The following GGCT variants were observed in gnomAD, a reference collection of about 807,000 sequenced individuals.
GGCT encodes gamma-glutamylcyclotransferase, also known as cytochrome c-releasing factor 21.
GGCT carries 20 observed loss-of-function variants against 22.1 expected under a neutral mutation model. The ratio of observed to expected loss-of-function variants is 0.91; its 90% CI spans 0.64 to 1.32. The LOEUF is 1.32. Among genes scored for constraint, GGCT ranks in the 40% most tolerant of loss-of-function variants. GGCT has a pLI of 0.00. For missense variants in GGCT, 209 were observed against 223.5 expected, an observed-to-expected ratio of 0.94 and a Z score of 0.41; for synonymous variants, 72 against 78.4, an observed-to-expected ratio of 0.92 and a Z score of 0.43.
chr7:30,499,024 G>A, intron 2 of GGCT, 86 bp from the exon 3 acceptor site: 2 of 1,164,612 alleles, frequency 1.7e-6, no homozygotes, highest in Non-Finnish European at 2.6e-6. Context: ...TAGTCAAGAT[G>A]GTGTATGGGA....
At chr7:30,499,515 C>A (rs572059537) in intron 2 of GGCT, among the ~76,000 whole-genome samples, 1 of 151,326 alleles carries the variant, frequency 6.6e-6, no homozygotes, top group East Asian at 1.9e-4. Context: ...GCCAGCCTGA[C>A]CAACATGGAG....
rs1380345245 is a variant in GGCT at position 30,500,528 on chromosome 7, C to A, written c.287+8G>T. 3.1e-6 allele frequency: 5 copies of A among 1,605,962 alleles called. No individual in the cohort carries two copies. Among genetic ancestry groups the A allele is most frequent in the Non-Finnish European group, 4.3e-6 (5 of 1,173,090 alleles). On this transcript the variant is annotated splice_region_variant and intron_variant, in intron 2 of 3. Transcript: ENST00000275428. ...TTACTGTTTAACTTATAATTAGAAG[C>A]CACCTACTCATCCAGAGAATTTAAA...
chr7:30,502,622 A>G (rs1789730803), intron 1 of GGCT, among the ~76,000 whole-genome samples: 1 of 152,146 alleles, frequency 6.6e-6, no homozygotes, highest in African/African-American at 2.4e-5. Flanking sequence ...CCCAAGCCGG[A>G]TTTTCCTCTT....
At chr7:30,497,702 T>C (rs539997363) in intron 3 of GGCT, 17 of 1,209,416 alleles carry the variant, frequency 1.4e-5, no homozygotes, top group African/African-American at 1.2e-4. Flanking sequence ...CTAGGTTTCA[T>C]ACTAAAAAAT....
At chr7:30,498,475 G>A (rs752019217) in intron 3 of GGCT, among the ~76,000 whole-genome samples, 7 of 151,952 alleles carry the variant, frequency 4.6e-5, no homozygotes, top group South Asian at 2.1e-4. Flanking sequence ...GCTGGAGTGT[G>A]GTGGCCTGAT....
Position 30,497,797 on chromosome 7 carries a change from C to G in GGCT, c.424-562G>C, listed in dbSNP as rs920379283. Reference sequence around the variant, plus strand: ...GCCAACAGAGAGCTAAGCTTAGGTTCTGAACAGGAATTTTGGGGTCTCTAT... The same window carrying G: ...GCCAACAGAGAGCTAAGCTTAGGTTGTGAACAGGAATTTTGGGGTCTCTAT... On this transcript the variant is annotated intron_variant, in intron 3 of 3. Coordinates refer to ENST00000275428, the MANE Select transcript of GGCT (RefSeq NM_024051.4). The G allele has an allele frequency of 5.5e-6, 8 of 1,466,392 alleles. No homozygotes were observed. In the African/African-American group the frequency reaches 9.8e-5, roughly 18 times the overall value. The allele number at this position is 1,466,392 out of a possible 1,614,324, so 90.8% of individuals were successfully genotyped here. A position where few individuals can be genotyped will look rare whatever the true frequency, so the allele number is the denominator to read the frequency against.
chr7:30,501,211 A>G (rs1789694063), intron 1 of GGCT, among the ~76,000 whole-genome samples: 1 of 152,208 alleles, frequency 6.6e-6, no homozygotes, highest in Non-Finnish European at 1.5e-5. Flanking sequence ...ATACTAATTT[A>G]TCTACAATAA....
At chr7:30,500,735 C>A (rs941289902) in intron 1 of GGCT, 54 bp from the exon 2 acceptor site, 3 of 1,482,512 alleles carry the variant, frequency 2.0e-6, no homozygotes, top group Non-Finnish European at 2.8e-6. Flanking sequence ...CCAAATTTCC[C>A]TCATCAAAAT....
At chr7:30,498,991 C>T in intron 2 of GGCT, 53 bp from the exon 3 acceptor site, 1 of 1,566,104 alleles carries the variant, frequency 6.4e-7, no homozygotes, top group South Asian at 1.1e-5. Context: ...CAATTTAGCT[C>T]ACTGGGTAAG....
chr7:30,497,136 C>G lies in GGCT; in HGVS notation c.523G>C (p.Glu175Gln). Reference sequence around the variant, plus strand: ...CCCTTTTTGATGATGTCTTCAATTTCTTCTGAGACCTTTCCTGTATAGTCA... The same window carrying G: ...CCCTTTTTGATGATGTCTTCAATTTGTTCTGAGACCTTTCCTGTATAGTCA... ...PNDYTGKVSE[E>Q]IEDIIKKGET... The change falls in exon 4 of 4, where the codon GAA becomes CAA. Residue 175 changes from glutamate to glutamine, a missense_variant. Transcript: ENST00000275428. 1 of 1,607,324 alleles carries G rather than the reference C, an allele frequency of 6.2e-7. No individual in the cohort carries two copies. The highest frequency in any genetic ancestry group is 8.5e-7 in the Non-Finnish European group (1 of 1,174,954).
Position 30,504,597 on chromosome 7 carries a change from G to A in GGCT, c.113C>T (p.Ala38Val). The A allele has an allele frequency of 6.2e-7, 1 of 1,613,940 alleles. No homozygotes were observed. Reference protein sequence around the residue: ...TERIHLRNPSAAFFCVARLQD... With the variant: ...TERIHLRNPSVAFFCVARLQD... ...CAGGCGGGCCACACAGAAGAACGCC[G>A]CCGAGGGGTTTCGGAGGTGGATCCT... The change falls in exon 1 of 4, where the codon GCG (alanine) becomes GTG (valine). Residue 38 changes from alanine (A) to valine (V), a missense_variant. By Grantham distance (64) the Ala-to-Val change is moderately conservative. Transcript: ENST00000275428.
In GGCT at chr7:30,504,749, T is replaced by G; in HGVS notation, c.-40A>C. The G allele has an allele frequency of 6.2e-7, 1 of 1,605,842 alleles. No homozygotes were observed. The highest frequency in any genetic ancestry group is 8.5e-7 in the Non-Finnish European group (1 of 1,173,086). ...CTGCACTGGAGCCTGAAGCAGAGTG[T>G]AAGGAACGGCCAGAGAGCGCAACAC... On this transcript the variant is annotated 5_prime_UTR_variant, in exon 1 of 4. Coordinates refer to ENST00000275428, the MANE Select transcript of GGCT (RefSeq NM_024051.4).
intron 1 of GGCT, among the ~76,000 whole-genome samples, chr7:30,501,208 T>C (rs1305742376): frequency 6.6e-6 from 1 of 152,200 alleles, no homozygotes. Flanking sequence ...ATTATACTAA[T>C]TTATCTACAA....
At chr7:30,503,555 T>C (rs566982032) in intron 1 of GGCT, among the ~76,000 whole-genome samples, 1 of 152,266 alleles carries the variant, frequency 6.6e-6, no homozygotes, top group South Asian at 2.1e-4. Flanking sequence ...ACTGCAGGGA[T>C]GTACAGAGGC....
In GGCT at chr7:30,504,762, G is replaced by A; in HGVS notation, c.-53C>T. 5 of 1,587,486 alleles carry A rather than the reference G, an allele frequency of 3.1e-6. No individual in the cohort carries two copies. Among genetic ancestry groups the A allele is most frequent in the Non-Finnish European group, 4.3e-6 (5 of 1,157,260 alleles). ...TGAAGCAGAGTGTAAGGAACGGCCA[G>A]AGAGCGCAACACTGGGGCCCACTAC... is the stretch of plus-strand genomic sequence containing the variant. On this transcript the variant is annotated 5_prime_UTR_variant, in exon 1 of 4. Transcript: ENST00000275428.
intron 1 of GGCT, among the ~76,000 whole-genome samples, chr7:30,500,941 T>A (rs562294683): frequency 1.1e-4 from 17 of 152,330 alleles, no homozygotes; most frequent in Admixed American, 5.9e-4. Context: ...AACAAAAAGT[T>A]TAAGGAAAAA....
intron 3 of GGCT, among the ~76,000 whole-genome samples, chr7:30,498,498 C>T (rs1193510773): frequency 6.6e-6 from 1 of 152,182 alleles, no homozygotes; most frequent in Non-Finnish European, 1.5e-5. Flanking sequence ...CAGCTCACTG[C>T]AACCTCCACC....
rs1422346608 is a variant in GGCT, at chr7:30,497,762, G to T, written c.424-527C>A. Reference sequence around the variant, plus strand: ...TTACCTATTACAGGTGCCATGACCTGATTGGGCCTGCCAACAGAGAGCTAA... The same window carrying T: ...TTACCTATTACAGGTGCCATGACCTTATTGGGCCTGCCAACAGAGAGCTAA... On this transcript the variant is annotated intron_variant, in intron 3 of 3. Coordinates refer to ENST00000275428, the MANE Select transcript of GGCT (RefSeq NM_024051.4). The T allele has an allele frequency of 2.1e-6, 3 of 1,445,478 alleles. No individual in the cohort carries two copies. The East Asian group carries it at 7.9e-5, about 38-fold the overall frequency. The allele number at this position is 1,445,478 out of a possible 1,614,324, so 89.5% of individuals were successfully genotyped here.
intron 1 of GGCT, 101 bp from the exon 2 acceptor site, chr7:30,500,782 A>G: frequency 1.1e-6 from 1 of 929,572 alleles, no homozygotes; most frequent in Non-Finnish European, 1.6e-6. Flanking sequence ...CAATTAAAAC[A>G]GTCAATAAAC....
Sources: allele counts gnomAD v4.1 joint callset (sites outside exome capture counted in the v4.1 genomes callset), GRCh38; gene constraint gnomAD v4.1.1; transcripts MANE v1.5; gene names NCBI Gene and HGNC (gene_info 2026-07-23, HGNC 2026-07-21).